Variants in NOL4 observed in about 807,000 individuals in gnomAD.
NOL4 encodes cancer/testis antigen 125.
A neutral mutation model predicts 75.9 loss-of-function variants in NOL4; 17 were observed. The observed-to-expected ratio is 0.22, with a 90% CI of 0.15 to 0.34. NOL4 has a LOEUF of 0.34. NOL4 is among the 10% of genes least tolerant of loss of function. The pLI is 1.00. For missense variants in NOL4, 614 were observed against 793.5 expected (o/e 0.77, Z 2.72); for synonymous variants, 292 against 289.9 (o/e 1.01, Z -0.07).
At chr18:33,886,928 C>CTAGATATATCTATATACA (rs2064736822) in intron 9 of NOL4, among the ~76,000 whole-genome samples, 2 of 109,238 alleles carry the variant, frequency 1.8e-5, no homozygotes, top group African/African-American at 6.7e-5. Flanking sequence ...ACATATATAT[C>CTAGATATATCTATATACA]TATATATCTA....
At chr18:34,221,256 T>C (rs2037278156) in intron 1 of NOL4, 1 of 152,212 alleles carries the variant, frequency 6.6e-6, no homozygotes. Context: ...TATGAAATAA[T>C]ACCTTAAGTA....
intron 6 of NOL4, among the ~76,000 whole-genome samples, chr18:34,002,367 G>C (rs1329226454): frequency 4.6e-5 from 7 of 152,006 alleles, no homozygotes; most frequent in Non-Finnish European, 1.0e-4. Context: ...CCTGGGGCTA[G>C]ACCTTTAGCT....
chr18:33,886,766 T>G (rs1485256211), intron 9 of NOL4, among the ~76,000 whole-genome samples: 1 of 139,224 alleles, frequency 7.2e-6, no homozygotes, highest in Admixed American at 7.5e-5. Flanking sequence ...CATATATAGA[T>G]ATATCTATAT....
At chr18:34,075,383 A>G (rs1404253379) in intron 5 of NOL4, among the ~76,000 whole-genome samples, 1 of 152,144 alleles carries the variant, frequency 6.6e-6, no homozygotes, top group Non-Finnish European at 1.5e-5. Flanking sequence ...GAGTGTGCAG[A>G]AAATATATAT....
intron 2 of NOL4, among the ~76,000 whole-genome samples, chr18:34,123,351 CAAT>C (rs1336470419): frequency 6.6e-6 from 1 of 151,090 alleles, no homozygotes; most frequent in African/African-American, 2.4e-5. Flanking sequence ...ACACATCTGA[CAAT>C]AATCTGAATA....
intron 1 of NOL4, among the ~76,000 whole-genome samples, chr18:34,160,696 C>T (rs933647085): frequency 6.6e-6 from 1 of 152,022 alleles, no homozygotes; most frequent in East Asian, 1.9e-4. Flanking sequence ...TTTTAATTGG[C>T]ACAATAATTG....
chr18:33,865,058 G>A (rs990052032), intron 10 of NOL4, among the ~76,000 whole-genome samples: 1 of 152,028 alleles, frequency 6.6e-6, no homozygotes, highest in Non-Finnish European at 1.5e-5. Flanking sequence ...ATTTGGGTGG[G>A]GAAACAGAGC....
At chr18:34,212,797 C>T (rs1020313634) in intron 1 of NOL4, among the ~76,000 whole-genome samples, 1 of 152,200 alleles carries the variant, frequency 6.6e-6, no homozygotes, top group African/African-American at 2.4e-5. Context: ...GCTCTCAGCT[C>T]TTAACCACAT....
chr18:33,875,615 C>T (rs1323215540), intron 10 of NOL4, among the ~76,000 whole-genome samples: 1 of 152,006 alleles, frequency 6.6e-6, no homozygotes, highest in Non-Finnish European at 1.5e-5. Flanking sequence ...CCCACAGAAT[C>T]CCCAAGTTCA....
intron 9 of NOL4, among the ~76,000 whole-genome samples, chr18:33,916,758 G>A (rs1267936350): frequency 1.3e-5 from 2 of 152,080 alleles, no homozygotes; most frequent in Non-Finnish European, 2.9e-5. Context: ...AGTACTAAAT[G>A]TATCTATGTT....
At chr18:34,037,411 A>AT (rs1460192322) in intron 5 of NOL4, among the ~76,000 whole-genome samples, 2 of 151,954 alleles carry the variant, frequency 1.3e-5, no homozygotes, top group Admixed American at 6.6e-5. Flanking sequence ...AGAAATAAAA[A>AT]AATCTTAAAG....
chr18:34,199,273 C>T (rs2035566494), intron 1 of NOL4, among the ~76,000 whole-genome samples: 3 of 151,360 alleles, frequency 2.0e-5, no homozygotes, highest in Admixed American at 6.6e-5. Context: ...TATGTGGTAC[C>T]AGGGCCACAT....
intron 9 of NOL4, among the ~76,000 whole-genome samples, chr18:33,940,078 ATAGGAACGC>A (rs1434500395): frequency 6.6e-6 from 1 of 152,120 alleles, no homozygotes; most frequent in African/African-American, 2.4e-5. Flanking sequence ...ATGTGGAGGA[ATAGGAACGC>A]TTTCACACTG....
intron 6 of NOL4, among the ~76,000 whole-genome samples, chr18:34,008,794 G>T (rs2146305778): frequency 6.6e-6 from 1 of 152,072 alleles, no homozygotes; most frequent in Admixed American, 6.6e-5. Flanking sequence ...AAAGAGAAAA[G>T]ACTCTATTCC....
intron 8 of NOL4, among the ~76,000 whole-genome samples, chr18:33,950,276 T>C (rs1159440494): frequency 6.6e-6 from 1 of 151,966 alleles, no homozygotes; most frequent in Non-Finnish European, 1.5e-5. Context: ...GTTATATAAC[T>C]GTTTTCTTTT....
At chr18:34,210,010 T>C (rs1341177710) in intron 1 of NOL4, among the ~76,000 whole-genome samples, 1 of 152,208 alleles carries the variant, frequency 6.6e-6, no homozygotes, top group Non-Finnish European at 1.5e-5. Context: ...AAAAACTTAT[T>C]AACACTTCCT....
At chr18:33,868,210 A>G (rs1262163925) in intron 10 of NOL4, among the ~76,000 whole-genome samples, 5 of 144,020 alleles carry the variant, frequency 3.5e-5, no homozygotes, top group Admixed American at 2.8e-4. Flanking sequence ...GCACCTGGGT[A>G]ATTTTTTTTT....
intron 5 of NOL4, among the ~76,000 whole-genome samples, chr18:34,060,956 T>C (rs2077043258): frequency 6.6e-6 from 1 of 152,186 alleles, no homozygotes; most frequent in African/African-American, 2.4e-5. Context: ...GCCTTGCTGC[T>C]TGATGTAGTG....
intron 6 of NOL4, among the ~76,000 whole-genome samples, chr18:33,983,750 A>G (rs1261228618): frequency 6.6e-6 from 1 of 151,856 alleles, no homozygotes; most frequent in East Asian, 1.9e-4. Flanking sequence ...TTTCTTTTTC[A>G]CTCTTCCCTC....
Sources: gnomAD v4.1 joint callset for allele counts (sites outside exome capture counted in the v4.1 genomes callset) on GRCh38, gnomAD v4.1.1 for gene constraint, MANE v1.5 for transcripts, NCBI Gene and HGNC (gene_info 2026-07-23, HGNC 2026-07-21) for gene names.